The following ATF7 variants were observed in gnomAD, a reference collection of about 807,000 sequenced individuals.
The protein encoded by ATF7 is cyclic AMP-dependent transcription factor ATF-7.
In ATF7, 10 loss-of-function variants were observed where a neutral mutation model predicts 50.4. The ratio of observed to expected loss-of-function variants is 0.20; its 90% CI spans 0.12 to 0.34. The LOEUF is 0.34. ATF7 is among the 10% of genes least tolerant of loss of function. The pLI, the probability that ATF7 is intolerant of heterozygous loss-of-function variation, is 1.00. For missense variants in ATF7, 465 were observed against 613.9 expected, an observed-to-expected ratio of 0.76 and a Z score of 2.56; for synonymous variants, 201 against 226.4, an observed-to-expected ratio of 0.89 and a Z score of 1.01.
chr12:53,542,994 T>C, intron 4 of ATF7: 2 of 1,198,290 alleles, frequency 1.7e-6, no homozygotes, highest in African/African-American at 1.6e-5. Flanking sequence ...AAATATGTTA[T>C]CCAACAAAAT....
At chr12:53,625,312 T>G (rs780486159) in intron 1 of ATF7, among the ~76,000 whole-genome samples, 3 of 152,200 alleles carry the variant, frequency 2.0e-5, no homozygotes, top group Non-Finnish European at 2.9e-5. Context: ...AGAGAAGCGA[T>G]GAAAGCGTTC....
intron 1 of ATF7, among the ~76,000 whole-genome samples, chr12:53,621,690 G>A (rs1944387638): frequency 6.6e-6 from 1 of 150,776 alleles, no homozygotes; most frequent in African/African-American, 2.4e-5. Context: ...TCTGGTGGCT[G>A]AGGCAGGAGA....
At chr12:53,624,659 T>G (rs900106059) in intron 1 of ATF7, among the ~76,000 whole-genome samples, 4 of 152,358 alleles carry the variant, frequency 2.6e-5, no homozygotes, top group South Asian at 4.1e-4. Context: ...ACAACTTCCA[T>G]GTGTAAGTAC....
chr12:53,620,723 T>C (rs1944346685), intron 1 of ATF7, among the ~76,000 whole-genome samples: 1 of 151,242 alleles, frequency 6.6e-6, no homozygotes, highest in Non-Finnish European at 1.5e-5. Context: ...CACTCTAGCC[T>C]GGGGAACACA....
At chr12:53,607,344 T>C (rs1254012150) in intron 1 of ATF7, among the ~76,000 whole-genome samples, 2 of 152,218 alleles carry the variant, frequency 1.3e-5, no homozygotes, top group African/African-American at 4.8e-5. Flanking sequence ...TGGGAGTACA[T>C]ATTTAGACGA....
At chr12:53,545,691 A>G (rs145345502) in intron 3 of ATF7, among the ~76,000 whole-genome samples, 162 of 152,280 alleles carry the variant, frequency 1.1e-3, no homozygotes, top group Middle Eastern at 6.8e-3. Context: ...TGCTACATGC[A>G]TACACTTGTA....
chr12:53,517,331 G>A lies in ATF7; in HGVS notation c.1258C>T (p.Pro420Ser), dbSNP rs770163984. The change falls in exon 12 of 12, where the codon CCA (proline) becomes TCA (serine). Residue 420 changes from proline (P) to serine (S), a missense_variant. By Grantham distance (74) the Pro-to-Ser change is moderately conservative. Transcript: ENST00000420353. Reference protein sequence around the residue: ...YLESPKESSEPTGSPAPVIQH... With the variant: ...YLESPKESSESTGSPAPVIQH... Reference sequence around the variant, plus strand: ...ATCACAGGGGCTGGAGAACCCGTTGGCTCTGAGCTTTCCTTGGGGCTTTCT... The same window carrying A: ...ATCACAGGGGCTGGAGAACCCGTTGACTCTGAGCTTTCCTTGGGGCTTTCT... 3.7e-6 allele frequency: 6 copies of A among 1,613,656 alleles called. No homozygotes were observed. The highest frequency in any genetic ancestry group is 2.2e-5 in the South Asian group (2 of 91,070).
intron 5 of ATF7, among the ~76,000 whole-genome samples, chr12:53,535,597 G>C (rs1311626927): frequency 1.3e-5 from 2 of 152,070 alleles, no homozygotes; most frequent in East Asian, 3.8e-4. Flanking sequence ...AATTCAGTAA[G>C]TGATATAATT....
chr12:53,625,731 C>G (rs747825555), intron 1 of ATF7, among the ~76,000 whole-genome samples: 4 of 152,188 alleles, frequency 2.6e-5, no homozygotes, highest in Non-Finnish European at 5.9e-5. Context: ...TTGTTCTCAT[C>G]TACTCATTCC....
intron 11 of ATF7, 54 bp from the exon 12 acceptor site, chr12:53,517,408 G>T: frequency 6.6e-7 from 1 of 1,516,364 alleles, no homozygotes; most frequent in Non-Finnish European, 9.0e-7. Flanking sequence ...AACAGAATGG[G>T]GAAAGAGGCA....
chr12:53,520,170 T>C (rs1363162541), intron 11 of ATF7, among the ~76,000 whole-genome samples: 1 of 152,250 alleles, frequency 6.6e-6, no homozygotes, highest in Non-Finnish European at 1.5e-5. Flanking sequence ...TGTGGGTTCT[T>C]TCTCATTTCT....
intron 2 of ATF7, among the ~76,000 whole-genome samples, chr12:53,587,824 T>C (rs1403416424): frequency 2.0e-5 from 1 of 48,912 alleles, no homozygotes; most frequent in Admixed American, 2.2e-4. Context: ...CTTCTACATA[T>C]ATATATATAT....
intron 2 of ATF7, among the ~76,000 whole-genome samples, chr12:53,596,530 T>C (rs771479029): frequency 3.3e-5 from 5 of 152,198 alleles, no homozygotes; most frequent in Admixed American, 2.0e-4. Flanking sequence ...GCATAATTTA[T>C]ACTGCAAACC....
In ATF7 at chr12:53,533,163, T is replaced by C. The variant is rs777022786; in HGVS notation, c.657A>G (p.Ile219Met). ...CTGCCCCAACTACAGAGCTCACCGA[T>C]ATAACAGACGGCATCTGTACTGGAG... ...PGPPVQMPSV[I>M]SLARPVSMVP... Residue 219 changes from isoleucine to methionine, a missense_variant, in exon 7 of 12, where the codon ATA becomes ATG. Ile to Met is a conservative substitution (Grantham distance 10). Coordinates refer to ENST00000420353, the MANE Select transcript of ATF7 (RefSeq NM_006856.3). The C allele has an allele frequency of 1.6e-5, 26 of 1,610,854 alleles. No homozygotes were observed. Among genetic ancestry groups the C allele is most frequent in the Non-Finnish European group, 2.1e-5 (25 of 1,177,190 alleles).
At chr12:53,581,574 A>AT (rs1009345670) in intron 2 of ATF7, among the ~76,000 whole-genome samples, 1 of 152,292 alleles carries the variant, frequency 6.6e-6, no homozygotes, top group East Asian at 1.9e-4. Context: ...ATTAAATAAC[A>AT]TACTTCTAAA....
intron 1 of ATF7, among the ~76,000 whole-genome samples, chr12:53,621,730 A>C (rs184256594): frequency 0.011 from 1,567 of 148,532 alleles, 29 homozygotes; most frequent in African/African-American, 0.036. Context: ...CGGAGGTTGC[A>C]GTGAAACAAG....
chr12:53,586,752 CT>C (rs1424744275), intron 2 of ATF7, among the ~76,000 whole-genome samples: 1 of 152,090 alleles, frequency 6.6e-6, no homozygotes, highest in East Asian at 1.9e-4. Context: ...TTTGCATTTA[CT>C]TTTTTATAGG....
chr12:53,570,980 A>C (rs976288659), intron 2 of ATF7, among the ~76,000 whole-genome samples: 2 of 152,158 alleles, frequency 1.3e-5, no homozygotes, highest in African/African-American at 4.8e-5. Flanking sequence ...TCAATGTTCT[A>C]ATTCTTAGAA....
rs189496379 is a variant in ATF7 at position 53,559,548 on chromosome 12, G to A, written c.49-6911C>T. On this transcript the variant is annotated intron_variant, in intron 2 of 11. Coordinates refer to ENST00000420353, the MANE Select transcript of ATF7 (RefSeq NM_006856.3). ...ACAAAAATCAGCTGCGTGTGGAGGC[G>A]CGTGCCTGTAGTCCCAGCTACTCGG... Among the ~76,000 whole-genome samples the A allele has an allele frequency of 8.3e-3, 1,269 of 151,982 alleles. 5 individuals carry two copies. Among genetic ancestry groups the A allele is most frequent in the Non-Finnish European group, 0.012 (803 of 67,952 alleles).
Sources: gnomAD v4.1 joint callset for allele counts (sites outside exome capture counted in the v4.1 genomes callset) on GRCh38, gnomAD v4.1.1 for gene constraint, MANE v1.5 for transcripts, NCBI Gene and HGNC (gene_info 2026-07-23, HGNC 2026-07-21) for gene names.